Variants in TTC28 observed in about 807,000 individuals in gnomAD.
TTC28 encodes the protein tetratricopeptide repeat protein 28.
TTC28 carries 61 observed loss-of-function variants against 198.0 expected under a neutral mutation model. That is an observed-to-expected ratio of 0.31 (90% confidence interval 0.25 to 0.38). The LOEUF is 0.38. Ranked by LOEUF, TTC28 falls within the 10% of genes least tolerant of loss-of-function variation. The pLI is 1.00. For synonymous variants in TTC28, 1,171 were observed against 1,297.8 expected, an observed-to-expected ratio of 0.90 and a Z score of 2.10; for missense variants, 2,678 against 3,164.0, an observed-to-expected ratio of 0.85 and a Z score of 3.69.
chr22:28,422,327 A>G (rs2047268854), intron 2 of TTC28, among the ~76,000 whole-genome samples: 1 of 152,232 alleles, frequency 6.6e-6, no homozygotes, highest in Non-Finnish European at 1.5e-5. Flanking sequence ...GAACCTACAT[A>G]ACGCAATACC....
chr22:28,095,369 ATT>A (rs112029071), intron 11 of TTC28, among the ~76,000 whole-genome samples: 5 of 146,302 alleles, frequency 3.4e-5, no homozygotes, highest in African/African-American at 5.0e-5. Flanking sequence ...TCCAGCCATC[ATT>A]TTTTTTTTTT....
intron 5 of TTC28, among the ~76,000 whole-genome samples, chr22:28,181,482 A>G (rs1471285259): frequency 6.6e-6 from 1 of 152,252 alleles, no homozygotes; most frequent in Admixed American, 6.5e-5. Context: ...GTATCCTGTT[A>G]GACATTTTAA....
At position 28,537,297 on chromosome 22, in the gene TTC28, A is replaced by AACTAAACTAAACTAAAC. The variant is rs1569008972; in HGVS notation, c.381+92254_381+92255insGTTTAGTTTAGTTTAGT. 5.1e-5 allele frequency among the ~76,000 whole-genome samples: 5 copies of AACTAAACTAAACTAAAC among 98,246 alleles called. No individual in the cohort carries two copies. In the East Asian group the frequency reaches 8.8e-4, roughly 17 times the overall value. 64.5% of individuals were successfully genotyped at this position (98,246 alleles called of 152,430 possible). A position where few individuals can be genotyped will look rare whatever the true frequency, so the allele number is the denominator to read the frequency against. On this transcript the variant is annotated intron_variant, in intron 2 of 22. Transcript: ENST00000397906. ...GACAGAGCCAGACTCCGTCTCAAAA[A>AACTAAACTAAACTAAAC]TAAAATAAAATAAAATAAAATAAAA...
chr22:28,052,243 T>C (rs1940116932), intron 12 of TTC28, among the ~76,000 whole-genome samples: 1 of 152,158 alleles, frequency 6.6e-6, no homozygotes. Context: ...CTGTACTTGA[T>C]CAAAAGACAT....
At chr22:28,215,394 A>G (rs914375556) in intron 5 of TTC28, among the ~76,000 whole-genome samples, 1 of 152,164 alleles carries the variant, frequency 6.6e-6, no homozygotes, top group Non-Finnish European at 1.5e-5. Flanking sequence ...CTCACACACT[A>G]TGAAAAGAAG....
intron 12 of TTC28, among the ~76,000 whole-genome samples, chr22:28,079,260 C>T (rs1941260115): frequency 6.6e-6 from 1 of 152,126 alleles, no homozygotes; most frequent in Non-Finnish European, 1.5e-5. Flanking sequence ...GAAGTGGTAG[C>T]AGTGGTTTAG....
At position 28,282,806 on chromosome 22, in the gene TTC28, T is replaced by C. The variant is rs1375609679; in HGVS notation, c.933+13392A>G. Among the ~76,000 whole-genome samples the C allele has an allele frequency of 2.6e-5, 4 of 152,166 alleles. No homozygotes were observed. The South Asian group carries it at 6.2e-4, about 24-fold the overall frequency. The stretch of plus-strand genomic sequence containing the variant: ...TGAAAGAGAAGAATGAAAAATATAA[T>C]AGATGGAGTGATGATAAAGTAGAAC... On this transcript the variant is annotated intron_variant, in intron 5 of 22. Transcript: ENST00000397906.
At chr22:28,098,498 G>A (rs146157045) in intron 10 of TTC28, among the ~76,000 whole-genome samples, 413 of 152,222 alleles carry the variant, frequency 2.7e-3, no homozygotes, top group African/African-American at 9.6e-3. Context: ...CATTGCCTGA[G>A]CCCAGGAGTT....
intron 2 of TTC28, among the ~76,000 whole-genome samples, chr22:28,399,212 C>T (rs1234408412): frequency 1.3e-5 from 2 of 151,876 alleles, no homozygotes; most frequent in Admixed American, 6.6e-5. Context: ...CCATGAACCC[C>T]GCATTATCTC....
At chr22:28,321,940 T>C (rs1303367661) in intron 2 of TTC28, among the ~76,000 whole-genome samples, 1 of 152,116 alleles carries the variant, frequency 6.6e-6, no homozygotes, top group Non-Finnish European at 1.5e-5. Context: ...CAAGCGATTC[T>C]CCTGCCTCAG....
intron 5 of TTC28, among the ~76,000 whole-genome samples, chr22:28,166,621 C>T (rs1921992596): frequency 6.6e-6 from 1 of 152,044 alleles, no homozygotes; most frequent in Admixed American, 6.5e-5. Context: ...TTTTTGAAGC[C>T]AATGAGAACA....
At chr22:28,349,036 T>C (rs765302133) in intron 2 of TTC28, among the ~76,000 whole-genome samples, 3 of 152,092 alleles carry the variant, frequency 2.0e-5, no homozygotes, top group Non-Finnish European at 4.4e-5. Context: ...CTGCTCTGTG[T>C]CACATGGAAA....
intron 12 of TTC28, among the ~76,000 whole-genome samples, chr22:28,083,706 G>A (rs1274626844): frequency 6.6e-6 from 1 of 152,220 alleles, no homozygotes; most frequent in Non-Finnish European, 1.5e-5. Context: ...GATGAAGCAG[G>A]GCGAGGCATC....
Position 27,982,363 on chromosome 22 carries a change from C to G in TTC28, c.7304G>C (p.Arg2435Pro). Residue 2435 changes from arginine (R) to proline (P), a missense_variant, in exon 23 of 23, where the codon CGC becomes CCC. By Grantham distance (103) the Arg-to-Pro change is moderately radical. Around this residue, in one of 8 missense-constraint regions of TTC28, gnomAD observed 622 missense variants for 656.0 expected, o/e 0.95. Coordinates refer to ENST00000397906, the MANE Select transcript of TTC28 (RefSeq NM_001145418.2). This position sits in a 1 kb window ranked among gnomAD's most constrained non-coding sequence, Gnocchi z 5.2. ...PPKAPPNGHW[R>P]TETTSLGSLP... ...TGAGCCCAGCGAGGTGGTCTCGGTGCGCCAGTGTCCGTTGGGAGGGGCTTT... is the reference window on the plus strand; with the variant it reads ...TGAGCCCAGCGAGGTGGTCTCGGTGGGCCAGTGTCCGTTGGGAGGGGCTTT... The G allele has an allele frequency of 6.5e-7, 1 of 1,540,918 alleles. No homozygotes were observed. The highest frequency in any genetic ancestry group is 8.8e-7 in the Non-Finnish European group (1 of 1,141,616).
chr22:28,322,614 T>C (rs1440645713), intron 2 of TTC28, among the ~76,000 whole-genome samples: 1 of 152,198 alleles, frequency 6.6e-6, no homozygotes, highest in East Asian at 1.9e-4. Context: ...CTGTTCAATA[T>C]TAAAAGTGCC....
At chr22:28,263,744 G>C (rs963410249) in intron 5 of TTC28, among the ~76,000 whole-genome samples, 3 of 152,126 alleles carry the variant, frequency 2.0e-5, no homozygotes, top group Non-Finnish European at 4.4e-5. Flanking sequence ...AGGCTGACCA[G>C]AGAGGATAAG....
chr22:28,161,367 C>A (rs930665573), intron 6 of TTC28, among the ~76,000 whole-genome samples: 9 of 152,070 alleles, frequency 5.9e-5, no homozygotes, highest in African/African-American at 2.2e-4. Context: ...CTCACTGCAA[C>A]AACAAAACAA....
chr22:28,476,682 G>A (rs2048172448), intron 2 of TTC28, among the ~76,000 whole-genome samples: 1 of 152,080 alleles, frequency 6.6e-6, no homozygotes, highest in Admixed American at 6.6e-5. Flanking sequence ...TCCTTGACTA[G>A]TAATGAGGTA....
intron 2 of TTC28, among the ~76,000 whole-genome samples, chr22:28,334,809 G>T (rs548913492): frequency 2.0e-5 from 3 of 152,170 alleles, no homozygotes; most frequent in Admixed American, 6.5e-5. Flanking sequence ...GCCTGTTCAC[G>T]CTGATGGTAG....
Sources: gnomAD v4.1 joint callset for allele counts (sites outside exome capture counted in the v4.1 genomes callset) on GRCh38, gnomAD v4.1.1 for gene constraint, gnomAD v4.1.1 regional missense constraint, Gnocchi (gnomAD v3.1) non-coding constraint, MANE v1.5 for transcripts, NCBI Gene and HGNC (gene_info 2026-07-23, HGNC 2026-07-21) for gene names.